DPP10: variants seen among roughly 807,000 people sequenced by gnomAD.
DPP10 encodes the protein inactive dipeptidyl peptidase 10.
In DPP10, 33 loss-of-function variants were observed where a neutral mutation model predicts 120.9. The ratio of observed to expected loss-of-function variants is 0.27; its 90% confidence interval spans 0.21 to 0.37. DPP10 has a LOEUF of 0.37. Among genes scored for constraint, DPP10 ranks in the 10% least tolerant of loss-of-function variants. DPP10 has a pLI of 1.00. For synonymous variants in DPP10, 337 were observed against 326.1 expected, an observed-to-expected ratio of 1.03 and a Z score of -0.36; for missense variants, 816 against 942.8, an observed-to-expected ratio of 0.87 and a Z score of 1.76.
chr2:115,332,852 G>T (rs2062840351), intron 2 of DPP10, among the ~76,000 whole-genome samples: 1 of 152,092 alleles, frequency 6.6e-6, no homozygotes, highest in Non-Finnish European at 1.5e-5. Flanking sequence ...CAAGTATGTG[G>T]TCAATTTTGG....
At chr2:114,777,600 C>G (rs1408941144) in intron 1 of DPP10, among the ~76,000 whole-genome samples, 1 of 151,974 alleles carries the variant, frequency 6.6e-6, no homozygotes, top group Non-Finnish European at 1.5e-5. Flanking sequence ...TTCAGAGTTG[C>G]TGAATGTCTC....
chr2:115,809,802 G>A (rs1264787238), intron 19 of DPP10, among the ~76,000 whole-genome samples: 1 of 152,106 alleles, frequency 6.6e-6, no homozygotes, highest in Non-Finnish European at 1.5e-5. Context: ...AAGTCCTCTC[G>A]TTAGAATAAT....
chr2:114,502,864 A>T (rs1390568888), intron 1 of DPP10, among the ~76,000 whole-genome samples: 1 of 152,204 alleles, frequency 6.6e-6, no homozygotes, highest in East Asian at 1.9e-4. Context: ...GCAAATTGAG[A>T]TCAGACTAAG....
chr2:115,406,812 C>T (rs1517372), intron 3 of DPP10, among the ~76,000 whole-genome samples: 89,489 of 151,902 alleles, frequency 0.59, 27,861 homozygotes, highest in Middle Eastern at 0.74. Context: ...ATTGAAAAAA[C>T]AGAAATGGAC....
intron 1 of DPP10, among the ~76,000 whole-genome samples, chr2:115,152,692 T>C (rs2051637826): frequency 6.6e-6 from 1 of 152,216 alleles, no homozygotes; most frequent in South Asian, 2.1e-4. Flanking sequence ...TTCTAGTAGT[T>C]TATCCTCAGT....
intron 3 of DPP10, among the ~76,000 whole-genome samples, chr2:115,389,666 A>G (rs2067194518): frequency 6.6e-6 from 1 of 152,184 alleles, no homozygotes; most frequent in African/African-American, 2.4e-5. Context: ...CCCATGAATT[A>G]TAACACCCAC....
Position 115,517,668 on chromosome 2 carries a change from A to G in DPP10, c.367-8230A>G, listed in dbSNP as rs547733922. 2.6e-3 allele frequency among the ~76,000 whole-genome samples: 400 copies of G among 152,306 alleles called. 2 individuals carry two copies. Among genetic ancestry groups the G allele is most frequent in the Non-Finnish European group, 4.8e-3 (327 of 68,022 alleles). On this transcript the variant is annotated intron_variant, in intron 4 of 25. Coordinates refer to ENST00000410059, the MANE Select transcript of DPP10 (RefSeq NM_020868.6). ...TATCTTACATTTAAATTTAATTGGG[A>G]ATTAAATTTGTAATTGCTAAATCTA...
chr2:115,193,004 A>G (rs1267660377), intron 1 of DPP10, among the ~76,000 whole-genome samples: 1 of 151,958 alleles, frequency 6.6e-6, no homozygotes, highest in African/African-American at 2.4e-5. Context: ...TAATGTAGGT[A>G]TGAATCCACA....
chr2:115,389,094 T>G (rs1481554002), intron 3 of DPP10, among the ~76,000 whole-genome samples: 1 of 152,166 alleles, frequency 6.6e-6, no homozygotes, highest in East Asian at 1.9e-4. Flanking sequence ...CTTTGCTGCT[T>G]TTGCAATCAA....
chr2:115,666,221 TG>T (rs1343514685), intron 5 of DPP10, among the ~76,000 whole-genome samples: 1 of 152,202 alleles, frequency 6.6e-6, no homozygotes, highest in Non-Finnish European at 1.5e-5. Context: ...TATCTGAGAC[TG>T]GGTAACTTAT....
chr2:115,184,426 G>A (rs182338207), intron 1 of DPP10, among the ~76,000 whole-genome samples: 10 of 152,200 alleles, frequency 6.6e-5, no homozygotes, highest in Admixed American at 2.6e-4. Flanking sequence ...TAGAAGACAC[G>A]TGTGAAATCT....
At chr2:115,113,135 C>A (rs1039314749) in intron 1 of DPP10, among the ~76,000 whole-genome samples, 1 of 151,662 alleles carries the variant, frequency 6.6e-6, no homozygotes, top group African/African-American at 2.4e-5. Context: ...TTTATATAAT[C>A]ATAACATGTA....
intron 1 of DPP10, among the ~76,000 whole-genome samples, chr2:115,224,671 G>A (rs1247941409): frequency 1.3e-5 from 2 of 152,082 alleles, no homozygotes; most frequent in African/African-American, 2.4e-5. Context: ...ATTTTTAAGT[G>A]TTCTCATCAC....
intron 1 of DPP10, among the ~76,000 whole-genome samples, chr2:114,890,413 CA>C (rs1446386752): frequency 6.6e-6 from 1 of 151,906 alleles, no homozygotes; most frequent in African/African-American, 2.4e-5. Flanking sequence ...CGCCTTTCCC[CA>C]AAAAAATGAA....
intron 19 of DPP10, among the ~76,000 whole-genome samples, chr2:115,810,918 C>T (rs1036775030): frequency 6.6e-6 from 1 of 152,202 alleles, no homozygotes; most frequent in African/African-American, 2.4e-5. Flanking sequence ...AGCCAATACA[C>T]ACATGAGTCG....
At chr2:115,798,383 C>T (rs115302660) in intron 19 of DPP10, among the ~76,000 whole-genome samples, 2,778 of 152,118 alleles carry the variant, frequency 0.018, 87 homozygotes, top group African/African-American at 0.061. Context: ...TACCAAGATA[C>T]AGTGTATTCT....
chr2:115,820,145 T>G (rs1401541448), intron 21 of DPP10, among the ~76,000 whole-genome samples: 3 of 152,242 alleles, frequency 2.0e-5, no homozygotes, highest in Non-Finnish European at 2.9e-5. Flanking sequence ...TGAACTTTTC[T>G]TATTATTTTT....
At chr2:115,481,688 G>A (rs914641048) in intron 3 of DPP10, among the ~76,000 whole-genome samples, 2 of 151,884 alleles carry the variant, frequency 1.3e-5, no homozygotes, top group South Asian at 4.1e-4. Context: ...AAAATTTACT[G>A]ATAAAGTAAT....
intron 7 of DPP10, among the ~76,000 whole-genome samples, chr2:115,708,751 C>G (rs62155270): frequency 0.085 from 12,904 of 151,922 alleles, 680 homozygotes; most frequent in Non-Finnish European, 0.11. Flanking sequence ...TACACTTATT[C>G]TTGGAATTAG....
Sources: allele counts gnomAD v4.1 joint callset (sites outside exome capture counted in the v4.1 genomes callset), GRCh38; gene constraint gnomAD v4.1.1; transcripts MANE v1.5; gene names NCBI Gene and HGNC (gene_info 2026-07-23, HGNC 2026-07-21).